Variants in TBC1D8 observed in about 807,000 individuals in gnomAD.
TBC1D8 encodes BUB2-like protein 1.
TBC1D8 carries 65 observed loss-of-function variants against 118.8 expected under a neutral mutation model. That is an observed-to-expected ratio of 0.55 (90% confidence interval 0.45 to 0.67). The LOEUF (loss-of-function observed/expected upper bound fraction) is 0.67. TBC1D8 is among the 30% of genes least tolerant of loss of function. The probability of loss-of-function intolerance (pLI) is 0.00; values close to 1 mark genes in which losing one functional copy is unlikely to be tolerated. For synonymous variants in TBC1D8, 566 were observed against 595.8 expected (o/e 0.95, Z 0.73); for missense variants, 1,376 against 1,471.2 (o/e 0.94, Z 1.06).
Position 101,029,756 on chromosome 2 carries a change from C to T in TBC1D8, c.1957G>A (p.Val653Ile). The change falls in exon 12 of 20, where the codon GTC becomes ATC. Residue 653 changes from valine to isoleucine, a missense_variant. By Grantham distance (29) the Val-to-Ile change is conservative (BLOSUM62 3). Coordinates refer to ENST00000409318, the MANE Select transcript of TBC1D8 (RefSeq NM_001330348.2). ...RVIGAQVDQSVFEELIKGHLP... is the reference protein window; with the variant it reads ...RVIGAQVDQSIFEELIKGHLP... ...TGACCCTTGATGAGCTCCTCGAAGA[C>T]AGACTGGTCAACTTGTGCCCCTGGA... 3 of 1,613,556 alleles carry T rather than the reference C, an allele frequency of 1.9e-6. No homozygotes were observed. Among genetic ancestry groups the T allele is most frequent in the Non-Finnish European group, 2.5e-6 (3 of 1,179,518 alleles).
At chr2:101,028,526 C>G in intron 12 of TBC1D8, 94 bp from the exon 13 acceptor site, 2 of 1,463,932 alleles carry the variant, frequency 1.4e-6, no homozygotes, top group Non-Finnish European at 1.8e-6. Flanking sequence ...CAGGGCACTT[C>G]CAAACACCAA....
At chr2:101,097,772 G>A (rs1410842419) in intron 1 of TBC1D8, among the ~76,000 whole-genome samples, 1 of 152,096 alleles carries the variant, frequency 6.6e-6, no homozygotes, top group African/African-American at 2.4e-5. Flanking sequence ...AAAGGTTGAG[G>A]TGAAAAGACT....
chr2:101,151,194 C>T lies in TBC1D8; in HGVS notation c.60G>A (p.Gln20=), dbSNP rs920659714. The T allele has an allele frequency of 5.2e-5, 66 of 1,259,962 alleles. No individual in the cohort carries two copies. The highest frequency in any genetic ancestry group is 2.8e-4 in the Admixed American group (10 of 35,146). 78.0% of individuals were successfully genotyped at this position (1,259,962 alleles called of 1,614,324 possible). Residue 20 remains glutamine, a synonymous_variant, in exon 1 of 20, where the codon CAG becomes CAA. Transcript: ENST00000409318. ...GCAGGATGAAGTAGCAGCTGCTCTT[C>T]TGGGTCACCCAGAGCTTCAGCGCGT... ...LKNALKLWVT[Q]KSSCYFILQR...
At chr2:101,126,033 A>ATT (rs1678337786) in intron 1 of TBC1D8, among the ~76,000 whole-genome samples, 2 of 152,146 alleles carry the variant, frequency 1.3e-5, no homozygotes, top group African/African-American at 4.8e-5. Flanking sequence ...AAAGAGCTTT[A>ATT]TTTGGCTCAC....
At chr2:101,048,315 G>C (rs1228512304) in intron 5 of TBC1D8, among the ~76,000 whole-genome samples, 1 of 152,170 alleles carries the variant, frequency 6.6e-6, no homozygotes, top group South Asian at 2.1e-4. Flanking sequence ...GTACTGGACT[G>C]TCTTGCTTTT....
At chr2:101,027,529 C>T (rs917328107) in intron 14 of TBC1D8, 78 bp from the exon 15 acceptor site, 2 of 1,329,656 alleles carry the variant, frequency 1.5e-6, no homozygotes, top group Admixed American at 3.4e-5. Flanking sequence ...GGGACTCTTC[C>T]TCCTGAAGGG....
intron 17 of TBC1D8, among the ~76,000 whole-genome samples, chr2:101,014,541 T>C (rs923677893): frequency 1.3e-5 from 2 of 152,262 alleles, no homozygotes; most frequent in East Asian, 3.8e-4. Flanking sequence ...TGACTGTTTT[T>C]TCCCTGAGGG....
At chr2:101,073,854 G>T (rs1289210718) in intron 2 of TBC1D8, among the ~76,000 whole-genome samples, 1 of 152,216 alleles carries the variant, frequency 6.6e-6, no homozygotes, top group African/African-American at 2.4e-5. Flanking sequence ...GCATGGATTA[G>T]GCTTTGGCTA....
intron 1 of TBC1D8, among the ~76,000 whole-genome samples, chr2:101,130,033 G>A (rs1420067731): frequency 6.6e-6 from 1 of 152,182 alleles, no homozygotes; most frequent in African/African-American, 2.4e-5. Flanking sequence ...AGGGGTACGA[G>A]CTGGTGGGCT....
At chr2:101,012,415 C>G (rs1423917775) in intron 17 of TBC1D8, among the ~76,000 whole-genome samples, 2 of 151,852 alleles carry the variant, frequency 1.3e-5, no homozygotes, top group African/African-American at 4.9e-5. Flanking sequence ...GTCTTGAAAA[C>G]ATCATGCTAG....
intron 1 of TBC1D8, among the ~76,000 whole-genome samples, chr2:101,137,425 G>A (rs1051931875): frequency 6.6e-6 from 1 of 152,080 alleles, no homozygotes; most frequent in Non-Finnish European, 1.5e-5. Flanking sequence ...CCATTCTCCT[G>A]CCTCAGCCTC....
chr2:101,027,985 A>T, intron 14 of TBC1D8, 63 bp downstream of exon 14: 3 of 1,446,510 alleles, frequency 2.1e-6, no homozygotes, highest in Admixed American at 3.5e-5. Flanking sequence ...ACCAAAAAGG[A>T]TGCGCACTCC....
intron 12 of TBC1D8, 94 bp downstream of exon 12, chr2:101,029,397 A>T (rs1189916967): frequency 1.9e-5 from 26 of 1,366,982 alleles, no homozygotes; most frequent in Admixed American, 5.1e-5. Context: ...GTCTCAATAA[A>T]AAAAAAAAAA....
intron 17 of TBC1D8, among the ~76,000 whole-genome samples, chr2:101,015,286 G>A (rs1679541032): frequency 6.6e-6 from 1 of 152,174 alleles, no homozygotes; most frequent in South Asian, 2.1e-4. Context: ...ACTATGAATG[G>A]AGGTTGCAGG....
intron 17 of TBC1D8, among the ~76,000 whole-genome samples, chr2:101,013,748 T>C (rs1290767480): frequency 6.6e-6 from 1 of 152,252 alleles, no homozygotes; most frequent in Admixed American, 6.5e-5. Flanking sequence ...ACAAGCCAGT[T>C]CCACCATAAG....
At chr2:101,107,730 T>C (rs948250964) in intron 1 of TBC1D8, among the ~76,000 whole-genome samples, 2 of 152,076 alleles carry the variant, frequency 1.3e-5, no homozygotes, top group African/African-American at 4.8e-5. Flanking sequence ...ACAGGAAATA[T>C]ACAAGATGAG....
At chr2:101,012,613 ACT>A (rs1679305160) in intron 17 of TBC1D8, among the ~76,000 whole-genome samples, 1 of 141,454 alleles carries the variant, frequency 7.1e-6, no homozygotes, top group African/African-American at 2.6e-5. Context: ...TCGCTGCACA[ACT>A]CTGAATATAC....
At chr2:101,072,356 GC>G (rs761944599) in intron 2 of TBC1D8, among the ~76,000 whole-genome samples, 4 of 152,078 alleles carry the variant, frequency 2.6e-5, no homozygotes, top group Non-Finnish European at 5.9e-5. Flanking sequence ...AAGGAGAGGG[GC>G]AGGAGAGAGA....
chr2:101,113,184 A>T (rs1677681700), intron 1 of TBC1D8, among the ~76,000 whole-genome samples: 1 of 152,180 alleles, frequency 6.6e-6, no homozygotes, highest in African/African-American at 2.4e-5. Context: ...TCCTAAAAGC[A>T]ATTTTTCCTG....
Sources: gnomAD v4.1 joint callset for allele counts (sites outside exome capture counted in the v4.1 genomes callset) on GRCh38, gnomAD v4.1.1 for gene constraint, MANE v1.5 for transcripts, NCBI Gene and HGNC (gene_info 2026-07-23, HGNC 2026-07-21) for gene names.